Variants in NTN1 observed in about 807,000 individuals in gnomAD.
The protein encoded by NTN1 is netrin 1.
Under a neutral mutation model 54.2 loss-of-function variants are expected in NTN1, and 11 were observed. The ratio of observed to expected loss-of-function variants is 0.20; its 90% CI spans 0.13 to 0.34. The LOEUF (loss-of-function observed/expected upper bound fraction) is 0.34, where lower values mean the gene tolerates loss of function less well. Ranked by LOEUF, NTN1 falls within the 10% of genes least tolerant of loss-of-function variation. NTN1 has a pLI of 1.00. For missense variants in NTN1, 740 were observed against 893.1 expected, an observed-to-expected ratio of 0.83 and a Z score of 2.18; for synonymous variants, 371 against 382.0, an observed-to-expected ratio of 0.97 and a Z score of 0.33.
At chr17:9,196,652 G>T in intron 5 of NTN1, among the ~76,000 whole-genome samples, 1 of 152,248 alleles carries the variant, frequency 6.6e-6, no homozygotes, top group East Asian at 1.9e-4. Flanking sequence ...GAGGGAGGCG[G>T]CCAGTGGGGC....
intron 2 of NTN1, among the ~76,000 whole-genome samples, chr17:9,141,718 G>A (rs1211706566): frequency 6.6e-6 from 1 of 152,070 alleles, no homozygotes; most frequent in Admixed American, 6.6e-5. Flanking sequence ...AGAGAGAAGG[G>A]AAAGGTGACG....
chr17:9,090,183 CTT>C (rs1305938523), intron 2 of NTN1, among the ~76,000 whole-genome samples: 3 of 140,584 alleles, frequency 2.1e-5, no homozygotes, highest in Non-Finnish European at 1.6e-5. Context: ...TTTTCTTTTT[CTT>C]TTTTTTTTTG....
chr17:9,068,044 C>T (rs770615089), intron 2 of NTN1, among the ~76,000 whole-genome samples: 14 of 152,174 alleles, frequency 9.2e-5, no homozygotes, highest in African/African-American at 1.2e-4. Flanking sequence ...TCTCCAAGCA[C>T]GGTGCCTTAG....
chr17:9,140,536 A>T lies in NTN1; in HGVS notation c.1019-22277A>T, dbSNP rs144423527. 8.0e-4 allele frequency among the ~76,000 whole-genome samples: 122 copies of T among 152,254 alleles called. 1 individual carries two copies. In the East Asian group the frequency reaches 0.023, roughly 29 times the overall value. On this transcript the variant is annotated intron_variant, in intron 2 of 6. Transcript: ENST00000173229. ...ATGTGTGTGTGCAGGTGTGGGTCAG[A>T]CCCCTATGACAGTGAGCCCCTGTTT...
chr17:9,205,965 CT>C (rs1904958538), intron 5 of NTN1, among the ~76,000 whole-genome samples: 1 of 152,174 alleles, frequency 6.6e-6, no homozygotes, highest in Admixed American at 6.5e-5. Flanking sequence ...ATTCCGGTTG[CT>C]CCTGCCGCAG....
At chr17:9,151,936 G>T (rs1030588653) in intron 2 of NTN1, among the ~76,000 whole-genome samples, 13 of 152,150 alleles carry the variant, frequency 8.5e-5, no homozygotes, top group African/African-American at 3.1e-4. Flanking sequence ...TCTGTAAAAC[G>T]CATCAATCAG....
intron 2 of NTN1, among the ~76,000 whole-genome samples, chr17:9,024,965 C>G (rs1016052589): frequency 3.9e-5 from 6 of 152,222 alleles, no homozygotes; most frequent in African/African-American, 1.4e-4. Context: ...TCTTTTCCCC[C>G]TCCTTCCTCT....
At chr17:9,192,731 C>T (rs149033666) in intron 5 of NTN1, among the ~76,000 whole-genome samples, 2,004 of 152,236 alleles carry the variant, frequency 0.013, 16 homozygotes, top group Non-Finnish European at 0.021. Flanking sequence ...GAGACAAACC[C>T]GGCTCTTTTA....
intron 6 of NTN1, among the ~76,000 whole-genome samples, chr17:9,222,130 T>C (rs1300393464): frequency 7.9e-5 from 12 of 152,172 alleles, no homozygotes; most frequent in Non-Finnish European, 1.3e-4. Context: ...GCCTGGTTCT[T>C]TCTAGCACGG....
At chr17:9,025,185 A>G (rs139140505) in intron 2 of NTN1, among the ~76,000 whole-genome samples, 105 of 152,318 alleles carry the variant, frequency 6.9e-4, no homozygotes, top group Non-Finnish European at 1.3e-3. Context: ...GATTTGCCTT[A>G]GCGTTGGTAT....
intron 5 of NTN1, among the ~76,000 whole-genome samples, chr17:9,203,492 A>G (rs1904870549): frequency 6.6e-6 from 1 of 152,090 alleles, no homozygotes. Context: ...GGTCTCTTCA[A>G]TTCTCATATC....
intron 5 of NTN1, among the ~76,000 whole-genome samples, chr17:9,217,523 C>T (rs1905241149): frequency 6.6e-6 from 1 of 152,138 alleles, no homozygotes; most frequent in East Asian, 1.9e-4. Context: ...CTCTCTGTAG[C>T]TTTGTGTGTA....
intron 5 of NTN1, among the ~76,000 whole-genome samples, chr17:9,209,632 C>T (rs1905049154): frequency 6.6e-6 from 1 of 152,172 alleles, no homozygotes; most frequent in South Asian, 2.1e-4. Flanking sequence ...AAGGGCAGGG[C>T]TTCCCTGGGC....
At chr17:9,070,915 T>G (rs1276779869) in intron 2 of NTN1, among the ~76,000 whole-genome samples, 2 of 152,106 alleles carry the variant, frequency 1.3e-5, no homozygotes. Context: ...TTAAGCTACA[T>G]GTGCTTTGTG....
At chr17:9,185,663 A>G (rs2092431129) in intron 5 of NTN1, among the ~76,000 whole-genome samples, 1 of 152,146 alleles carries the variant, frequency 6.6e-6, no homozygotes, top group Non-Finnish European at 1.5e-5. Context: ...CAAAAAGGGC[A>G]TGGTACCCAA....
At chr17:9,105,004 G>A (rs2092161391) in intron 2 of NTN1, among the ~76,000 whole-genome samples, 1 of 152,196 alleles carries the variant, frequency 6.6e-6, no homozygotes, top group African/African-American at 2.4e-5. Context: ...GGTGACCCAT[G>A]GCTGGGTCTC....
intron 5 of NTN1, 32 bp downstream of exon 5, chr17:9,183,001 C>T: frequency 6.5e-7 from 1 of 1,526,780 alleles, no homozygotes; most frequent in Non-Finnish European, 9.0e-7. Context: ...TCATTTCCCG[C>T]TTTTGCTGGG....
At chr17:9,061,839 G>A (rs1309492682) in intron 2 of NTN1, among the ~76,000 whole-genome samples, 1 of 152,136 alleles carries the variant, frequency 6.6e-6, no homozygotes, top group Non-Finnish European at 1.5e-5. Context: ...AAGTGGCTGG[G>A]ATTACAGGTG....
chr17:9,071,917 C>A (rs2092033201), intron 2 of NTN1, among the ~76,000 whole-genome samples: 1 of 152,182 alleles, frequency 6.6e-6, no homozygotes, highest in Admixed American at 6.5e-5. Context: ...GAGAAGTTGC[C>A]TTATATGGTG....
Sources: allele counts gnomAD v4.1 joint callset (sites outside exome capture counted in the v4.1 genomes callset), GRCh38; gene constraint gnomAD v4.1.1; transcripts MANE v1.5; gene names NCBI Gene and HGNC (gene_info 2026-07-23, HGNC 2026-07-21).